SPOCK3: variants seen among roughly 807,000 people sequenced by gnomAD.
The protein encoded by SPOCK3 is SPARC (osteonectin), cwcv and kazal like domains proteoglycan 3.
Under a neutral mutation model 56.6 loss-of-function variants are expected in SPOCK3, and 30 were observed. The ratio of observed to expected loss-of-function variants is 0.53; its 90% CI spans 0.40 to 0.72. The LOEUF (loss-of-function observed/expected upper bound fraction) is 0.72. Among genes scored for constraint, SPOCK3 ranks in the 30% least tolerant of loss-of-function variants. SPOCK3 has a pLI of 0.00. For synonymous variants in SPOCK3, 196 were observed against 183.3 expected, an observed-to-expected ratio of 1.07 and a Z score of -0.56; for missense variants, 527 against 530.0, an observed-to-expected ratio of 0.99 and a Z score of 0.06.
At chr4:167,190,349 C>A (rs1249857567) in intron 2 of SPOCK3, among the ~76,000 whole-genome samples, 1 of 145,902 alleles carries the variant, frequency 6.9e-6, no homozygotes, top group South Asian at 2.1e-4. Flanking sequence ...TTTTGATTTG[C>A]ACTTTCCTGA....
chr4:166,742,691 T>C (rs1277503572), intron 8 of SPOCK3, among the ~76,000 whole-genome samples: 1 of 152,154 alleles, frequency 6.6e-6, no homozygotes, highest in Non-Finnish European at 1.5e-5. Context: ...GGATATAATA[T>C]AAAATTATTT....
rs548451074 is a variant in SPOCK3 at position 166,835,739 on chromosome 4, T to C, written c.590-43450A>G. On this transcript the variant is annotated intron_variant, in intron 6 of 10. Coordinates refer to ENST00000357545, the MANE Select transcript of SPOCK3 (RefSeq NM_001040159.2). ...AAAATTCTGTTTTGGCCGGGCATGGTGGCTCACGCCAGCACTTTGGGAAGC... is the reference window on the plus strand; with the variant it reads ...AAAATTCTGTTTTGGCCGGGCATGGCGGCTCACGCCAGCACTTTGGGAAGC... Among the ~76,000 whole-genome samples, 10 of 152,294 alleles carry C rather than the reference T, an allele frequency of 6.6e-5. No individual in the cohort carries two copies. The East Asian group carries it at 1.2e-3, about 18-fold the overall frequency.
At chr4:166,949,156 T>C (rs1742169138) in intron 4 of SPOCK3, among the ~76,000 whole-genome samples, 1 of 152,246 alleles carries the variant, frequency 6.6e-6, no homozygotes, top group Non-Finnish European at 1.5e-5. Context: ...GCTTCTGCAT[T>C]CTACACGTAG....
chr4:167,222,435 A>G (rs1736015372), intron 2 of SPOCK3, among the ~76,000 whole-genome samples: 1 of 150,306 alleles, frequency 6.7e-6, no homozygotes, highest in Non-Finnish European at 1.5e-5. Context: ...AGTAAATTTT[A>G]TGTCGTGCTT....
At chr4:167,124,866 T>C (rs1762136445) in intron 2 of SPOCK3, among the ~76,000 whole-genome samples, 1 of 152,188 alleles carries the variant, frequency 6.6e-6, no homozygotes, top group Non-Finnish European at 1.5e-5. Flanking sequence ...TTACCTCCAA[T>C]TGTATTCTCC....
At chr4:167,076,153 A>G (rs1328435800) in intron 2 of SPOCK3, among the ~76,000 whole-genome samples, 2 of 151,944 alleles carry the variant, frequency 1.3e-5, no homozygotes, top group Non-Finnish European at 2.9e-5. Context: ...GGTGGGGAGA[A>G]GAATGAGGCA....
intron 2 of SPOCK3, among the ~76,000 whole-genome samples, chr4:167,186,734 T>G (rs1194767854): frequency 6.6e-6 from 1 of 151,918 alleles, no homozygotes; most frequent in Admixed American, 6.6e-5. Context: ...CACAGTATTT[T>G]GGGAGGCTGA....
chr4:167,087,108 C>A (rs972724173), intron 2 of SPOCK3, among the ~76,000 whole-genome samples: 5 of 152,110 alleles, frequency 3.3e-5, no homozygotes, highest in African/African-American at 9.6e-5. Flanking sequence ...AATTTTATTT[C>A]TTAGATAATG....
intron 2 of SPOCK3, among the ~76,000 whole-genome samples, chr4:167,085,796 C>T (rs892110833): frequency 6.6e-6 from 1 of 152,036 alleles, no homozygotes; most frequent in Non-Finnish European, 1.5e-5. Flanking sequence ...TAAGTCCATA[C>T]CACCTCAAAG....
chr4:167,005,825 T>C (rs1382409681), intron 3 of SPOCK3, among the ~76,000 whole-genome samples: 1 of 152,190 alleles, frequency 6.6e-6, no homozygotes, highest in Non-Finnish European at 1.5e-5. Context: ...AAAAGGATAC[T>C]GTGAATTAAT....
chr4:167,081,997 G>A (rs1757748382), intron 2 of SPOCK3, among the ~76,000 whole-genome samples: 1 of 151,936 alleles, frequency 6.6e-6, no homozygotes, highest in Admixed American at 6.6e-5. Flanking sequence ...ATCAACACAT[G>A]CATCCTCACA....
At chr4:166,797,405 AC>A (rs796167858) in intron 6 of SPOCK3, among the ~76,000 whole-genome samples, 15 of 151,806 alleles carry the variant, frequency 9.9e-5, no homozygotes, top group African/African-American at 3.6e-4. Context: ...TATGTAAACA[AC>A]AAGAAGAAAT....
At chr4:166,846,119 C>T (rs1489668726) in intron 6 of SPOCK3, among the ~76,000 whole-genome samples, 1 of 152,116 alleles carries the variant, frequency 6.6e-6, no homozygotes, top group Non-Finnish European at 1.5e-5. Flanking sequence ...AATATTTCAG[C>T]TCCATTATAA....
chr4:166,782,927 A>G (rs1406852455), intron 7 of SPOCK3, among the ~76,000 whole-genome samples: 1 of 152,234 alleles, frequency 6.6e-6, no homozygotes, highest in African/African-American at 2.4e-5. Flanking sequence ...TAGTGAGAAA[A>G]TATTTGCAAC....
chr4:167,161,268 A>T (rs562654441), intron 2 of SPOCK3, among the ~76,000 whole-genome samples: 116 of 152,322 alleles, frequency 7.6e-4, no homozygotes, highest in Non-Finnish European at 1.4e-3. Context: ...ACATTTATGC[A>T]GCCAAAAGAC....
intron 6 of SPOCK3, among the ~76,000 whole-genome samples, chr4:166,844,181 A>G (rs1747812608): frequency 6.6e-6 from 1 of 152,206 alleles, no homozygotes; most frequent in Non-Finnish European, 1.5e-5. Flanking sequence ...CAAATAAACA[A>G]AAGGTACCAG....
chr4:167,126,898 G>T (rs930596852), intron 2 of SPOCK3, among the ~76,000 whole-genome samples: 1 of 152,020 alleles, frequency 6.6e-6, no homozygotes, highest in Non-Finnish European at 1.5e-5. Flanking sequence ...ATCTCATACT[G>T]TTGCTGGTAG....
chr4:166,827,634 C>A (rs535128658), intron 6 of SPOCK3, among the ~76,000 whole-genome samples: 41 of 152,138 alleles, frequency 2.7e-4, no homozygotes, highest in African/African-American at 8.9e-4. Flanking sequence ...ACTATAACAG[C>A]ATCATTTTAA....
At chr4:167,231,524 T>C (rs1737179159) in intron 2 of SPOCK3, among the ~76,000 whole-genome samples, 1 of 152,144 alleles carries the variant, frequency 6.6e-6, no homozygotes, top group African/African-American at 2.4e-5. Flanking sequence ...ATATGAATGC[T>C]CATGCAGAAC....
Sources: allele counts gnomAD v4.1 joint callset (sites outside exome capture counted in the v4.1 genomes callset), GRCh38; gene constraint gnomAD v4.1.1; transcripts MANE v1.5; gene names NCBI Gene and HGNC (gene_info 2026-07-23, HGNC 2026-07-21).